PDSS1: variants seen among roughly 807,000 people sequenced by gnomAD.
PDSS1 encodes all trans-polyprenyl-diphosphate synthase PDSS1.
Under a neutral mutation model 57.5 loss-of-function variants are expected in PDSS1, and 43 were observed. The ratio of observed to expected loss-of-function variants is 0.75; its 90% confidence interval spans 0.59 to 0.96. The LOEUF (loss-of-function observed/expected upper bound fraction) is 0.96, where lower values mean the gene tolerates loss of function less well. PDSS1 is among the 50% of genes least tolerant of loss of function. The pLI is 0.00. For synonymous variants in PDSS1, 175 were observed against 191.3 expected (o/e 0.91, Z 0.70); for missense variants, 438 against 527.8 (o/e 0.83, Z 1.67).
intron 10 of PDSS1, among the ~76,000 whole-genome samples, chr10:26,740,114 CCTGGATG>C (rs1836536142): frequency 6.7e-6 from 1 of 150,338 alleles, no homozygotes; most frequent in Non-Finnish European, 1.5e-5. Flanking sequence ...TGCACTCCAG[CCTGGATG>C]ACAGAGCGAA....
chr10:26,740,159 A>T (rs1394044958), intron 10 of PDSS1, among the ~76,000 whole-genome samples: 3 of 149,144 alleles, frequency 2.0e-5, no homozygotes, highest in Admixed American at 2.0e-4. Flanking sequence ...AAAAAAAAAA[A>T]TTAAAAAATT....
intron 8 of PDSS1, among the ~76,000 whole-genome samples, chr10:26,726,664 A>T (rs1033955707): frequency 1.3e-5 from 2 of 152,200 alleles, no homozygotes; most frequent in Non-Finnish European, 1.5e-5. Context: ...TCTACTAAGG[A>T]TACCATTTCT....
intron 8 of PDSS1, 65 bp from the exon 9 acceptor site, chr10:26,735,175 C>A: frequency 9.1e-7 from 1 of 1,102,544 alleles, no homozygotes; most frequent in Non-Finnish European, 1.4e-6. Context: ...ATTCCTTCAG[C>A]CAGGGGTCAG....
chr10:26,740,057 A>G (rs1388714549), intron 10 of PDSS1, among the ~76,000 whole-genome samples: 1 of 150,444 alleles, frequency 6.6e-6, no homozygotes. Context: ...CAGAGGAATC[A>G]TTTGAACCCG....
At chr10:26,730,519 G>A (rs1368127121) in intron 8 of PDSS1, among the ~76,000 whole-genome samples, 2 of 151,898 alleles carry the variant, frequency 1.3e-5, no homozygotes, top group Non-Finnish European at 2.9e-5. Flanking sequence ...TGAGGTGGGA[G>A]GATCACCTGA....
At chr10:26,717,143 A>T (rs1173195662) in intron 5 of PDSS1, among the ~76,000 whole-genome samples, 2 of 152,230 alleles carry the variant, frequency 1.3e-5, no homozygotes, top group African/African-American at 4.8e-5. Context: ...TCTACGTAGA[A>T]GCTGTGTTAC....
rs145968894 is a variant in PDSS1, at chr10:26,745,854, A to G, written c.1108-479A>G. 3.5e-3 allele frequency among the ~76,000 whole-genome samples: 532 copies of G among 152,148 alleles called. 5 individuals are homozygous for G. The highest frequency in any genetic ancestry group is 0.029 in the East Asian group (151 of 5,148). ...GAGTGAGACCCTGTCTCAAAAAAAA[A>G]GAAAAAAGAAAAAAAAAACTATTGG... On this transcript the variant is annotated intron_variant, in intron 11 of 11. Coordinates refer to ENST00000376215, the MANE Select transcript of PDSS1 (RefSeq NM_014317.5).
At chr10:26,746,076 G>A (rs1190174197) in intron 11 of PDSS1, among the ~76,000 whole-genome samples, 1 of 152,018 alleles carries the variant, frequency 6.6e-6, no homozygotes, top group Non-Finnish European at 1.5e-5. Context: ...AGGGGAAAAC[G>A]AATGACTATG....
rs561531058 is a variant in PDSS1 at position 26,746,608 on chromosome 10, T to G, written c.*135T>G. On this transcript the variant is annotated 3_prime_UTR_variant, in exon 12 of 12. Transcript: ENST00000376215. ...GATATCAAACTTATTGATGGGCAAT[T>G]TATTTTTTTTTATTGCAAAAGTTTT... 3.2e-6 allele frequency: 3 copies of G among 927,286 alleles called. No homozygotes were observed. The highest frequency in any genetic ancestry group is 3.0e-5 in the South Asian group (2 of 66,134). 57.4% of individuals were successfully genotyped at this position (927,286 alleles called of 1,614,324 possible). A position where few individuals can be genotyped will look rare whatever the true frequency, so the allele number is the denominator to read the frequency against.
intron 8 of PDSS1, among the ~76,000 whole-genome samples, chr10:26,730,252 C>T (rs1836134010): frequency 6.6e-6 from 1 of 152,016 alleles, no homozygotes; most frequent in Admixed American, 6.6e-5. Context: ...GATTCCCTCT[C>T]ATTCTTGCTG....
At chr10:26,728,774 C>CTTTTTTTT (rs33930147) in intron 8 of PDSS1, among the ~76,000 whole-genome samples, 47 of 84,562 alleles carry the variant, frequency 5.6e-4, no homozygotes, top group Non-Finnish European at 7.6e-4. Flanking sequence ...TATTCTGTAT[C>CTTTTTTTT]TTTTTTTTTT....
At position 26,726,783 on chromosome 10, in the gene PDSS1, C is replaced by T. The variant is rs567605319; in HGVS notation, c.831+2660C>T. Among the ~76,000 whole-genome samples, 54 of 152,104 alleles carry T rather than the reference C, an allele frequency of 3.6e-4. 1 individual carries two copies. Among genetic ancestry groups the T allele is most frequent in the Admixed American group, 3.1e-3 (48 of 15,258 alleles). Reference sequence around the variant, plus strand: ...TATTAAAATAGAATCCATTTTAGGCCGGGCACGGTGGCTCACACCTGTAAT... The same window carrying T: ...TATTAAAATAGAATCCATTTTAGGCTGGGCACGGTGGCTCACACCTGTAAT... On this transcript the variant is annotated intron_variant, in intron 8 of 11. Coordinates refer to ENST00000376215, the MANE Select transcript of PDSS1 (RefSeq NM_014317.5).
intron 8 of PDSS1, among the ~76,000 whole-genome samples, chr10:26,725,070 G>A (rs1835908770): frequency 6.6e-6 from 1 of 151,670 alleles, no homozygotes; most frequent in Admixed American, 6.6e-5. Flanking sequence ...CAAATGTGTG[G>A]TATTCATCGT....
At chr10:26,720,089 A>G (rs1191051406) in intron 5 of PDSS1, 129 bp from the exon 6 acceptor site, 2 of 1,357,180 alleles carry the variant, frequency 1.5e-6, no homozygotes, top group Non-Finnish European at 2.0e-6. Context: ...GTGAAGCCAG[A>G]GTTTTTATAC....
Position 26,736,350 on chromosome 10 carries a change from TATTTA to T in PDSS1, c.1026+776_1026+780del, listed in dbSNP as rs542700686. Among the ~76,000 whole-genome samples, 599 of 152,352 alleles carry T rather than the reference TATTTA, an allele frequency of 3.9e-3. 4 individuals carry two copies. The highest frequency in any genetic ancestry group is 0.014 in the African/African-American group (578 of 41,572). ...CGTTAATAGATTTTCATCTTAGTAG[TATTTA>T]ATTTGTTATGTTGCAAAGCAGTAAG... On this transcript the variant is annotated intron_variant, in intron 10 of 11. Coordinates refer to ENST00000376215, the MANE Select transcript of PDSS1 (RefSeq NM_014317.5).
intron 10 of PDSS1, chr10:26,740,624 A>G (rs1564437068): frequency 6.6e-6 from 3 of 456,730 alleles, no homozygotes; most frequent in Non-Finnish European, 1.3e-5. Context: ...TGGTTACAGG[A>G]CAACTTATTT....
At chr10:26,699,397 CTTTT>C (rs760230667) in intron 1 of PDSS1, among the ~76,000 whole-genome samples, 5 of 136,778 alleles carry the variant, frequency 3.7e-5, no homozygotes, top group Admixed American at 7.2e-5. Context: ...TCTTCTTCTT[CTTTT>C]TTTTTTTTTT....
chr10:26,697,963 C>G, intron 1 of PDSS1, 123 bp downstream of exon 1: 1 of 926,462 alleles, frequency 1.1e-6, no homozygotes, highest in Admixed American at 4.7e-5. Context: ...GGGGTAGCTC[C>G]GGGGTAGCTC....
chr10:26,723,168 G>T (rs903347335), intron 6 of PDSS1, among the ~76,000 whole-genome samples: 1 of 152,216 alleles, frequency 6.6e-6, no homozygotes, highest in South Asian at 2.1e-4. Context: ...TGTTGTACAC[G>T]CACAAAAGGG....
Sources: allele counts gnomAD v4.1 joint callset (sites outside exome capture counted in the v4.1 genomes callset), GRCh38; gene constraint gnomAD v4.1.1; transcripts MANE v1.5; gene names NCBI Gene and HGNC (gene_info 2026-07-23, HGNC 2026-07-21).